Variants in HS6ST2 observed in about 807,000 individuals in gnomAD.
The protein encoded by HS6ST2 is heparan-sulfate 6-O-sulfotransferase 2.
A neutral mutation model predicts 33.0 loss-of-function variants in HS6ST2; 17 were observed. The ratio of observed to expected loss-of-function variants is 0.52; its 90% confidence interval spans 0.35 to 0.77. The LOEUF (loss-of-function observed/expected upper bound fraction) is 0.77, where lower values mean the gene tolerates loss of function less well. Among genes scored for constraint, HS6ST2 ranks in the 30% least tolerant of loss-of-function variants. The pLI is 0.01. For missense variants in HS6ST2, 519 were observed against 551.7 expected (o/e 0.94, Z 0.59); for synonymous variants, 248 against 237.1 (o/e 1.05, Z -0.42).
chrX:132,928,156 T>C (rs2066729261), intron 2 of HS6ST2, among the ~76,000 whole-genome samples: 1 of 106,497 alleles, frequency 9.4e-6, no homozygotes. Flanking sequence ...TCTCACTCTG[T>C]TGCCCAGGCT....
chrX:132,841,646 G>A (rs1379161473), intron 2 of HS6ST2, among the ~76,000 whole-genome samples: 3 of 111,811 alleles, frequency 2.7e-5, no homozygotes, highest in Non-Finnish European at 5.6e-5. Context: ...TACTGTGACA[G>A]TTCTCAAAAG....
intron 3 of HS6ST2, among the ~76,000 whole-genome samples, chrX:132,679,297 G>T (rs1442830517): frequency 1.8e-5 from 2 of 111,993 alleles, no homozygotes; most frequent in African/African-American, 6.5e-5. Flanking sequence ...CTAAGCGTCA[G>T]CCAGTTTGAG....
intron 2 of HS6ST2, among the ~76,000 whole-genome samples, chrX:132,846,835 A>G (rs908424535): frequency 9.1e-6 from 1 of 110,318 alleles, no homozygotes; most frequent in Non-Finnish European, 1.9e-5. Context: ...AGATCACACC[A>G]GCTCTCTACT....
chrX:132,733,974 A>T (rs1254527057), intron 2 of HS6ST2, among the ~76,000 whole-genome samples: 1 of 103,409 alleles, frequency 9.7e-6, no homozygotes, highest in Non-Finnish European at 2.0e-5. Context: ...CCTATATTTT[A>T]GGGTCATGTG....
At chrX:132,690,772 A>T (rs1301351233) in intron 3 of HS6ST2, among the ~76,000 whole-genome samples, 1 of 111,957 alleles carries the variant, frequency 8.9e-6, no homozygotes, top group Non-Finnish European at 1.9e-5. Flanking sequence ...TTTATCTATA[A>T]ATCCTTTAAG....
At chrX:132,761,678 C>T (rs757039991) in intron 2 of HS6ST2, among the ~76,000 whole-genome samples, 133 of 111,981 alleles carry the variant, frequency 1.2e-3, no homozygotes, top group Non-Finnish European at 2.1e-3. Flanking sequence ...TCTTCTGAAC[C>T]GTTAGGTCCC....
chrX:132,960,040 T>G (rs901076459), upstream of HS6ST2, among the ~76,000 whole-genome samples: 1 of 112,279 alleles, frequency 8.9e-6, no homozygotes, highest in Non-Finnish European at 1.9e-5. Context: ...GTGGATTTTT[T>G]GGGAATCCTG....
intron 2 of HS6ST2, among the ~76,000 whole-genome samples, chrX:132,861,888 G>T (rs2065915060): frequency 8.9e-6 from 1 of 111,769 alleles, no homozygotes; most frequent in Non-Finnish European, 1.9e-5. Context: ...TATTTCTTAA[G>T]CAGTCAAATC....
At chrX:132,785,300 G>A (rs1463589038) in intron 2 of HS6ST2, among the ~76,000 whole-genome samples, 1 of 111,868 alleles carries the variant, frequency 8.9e-6, no homozygotes, top group African/African-American at 3.3e-5. Flanking sequence ...TATCACACAA[G>A]ACTTCAGGCT....
chrX:132,867,793 A>G (rs1187170511), intron 2 of HS6ST2, among the ~76,000 whole-genome samples: 1 of 111,912 alleles, frequency 8.9e-6, no homozygotes, highest in Non-Finnish European at 1.9e-5. Context: ...AAGCACTAAC[A>G]TGGAAAGGAA....
chrX:132,681,385 A>T (rs1030153060), intron 3 of HS6ST2, among the ~76,000 whole-genome samples: 1 of 112,235 alleles, frequency 8.9e-6, no homozygotes, highest in South Asian at 3.7e-4. Flanking sequence ...TCCACCTTTG[A>T]TTATTGTTCC....
intron 3 of HS6ST2, chrX:132,669,469 A>G (rs2063842827): frequency 4.1e-6 from 1 of 244,859 alleles, no homozygotes; most frequent in African/African-American, 2.9e-5. Flanking sequence ...TCCATCAATG[A>G]TAGCACCACA....
intron 2 of HS6ST2, among the ~76,000 whole-genome samples, chrX:132,719,255 G>A (rs2064306556): frequency 8.9e-6 from 1 of 112,044 alleles, no homozygotes; most frequent in Non-Finnish European, 1.9e-5. Context: ...GGTCCTGAGA[G>A]AGAAAGGGAC....
intron 4 of HS6ST2, among the ~76,000 whole-genome samples, chrX:132,661,668 T>C (rs1367446537): frequency 8.9e-6 from 1 of 112,200 alleles, no homozygotes; most frequent in African/African-American, 3.2e-5. Flanking sequence ...GCAGGCTTCT[T>C]TTTTCTTTTT....
At chrX:132,633,623 C>A (rs193203323) in intron 4 of HS6ST2, among the ~76,000 whole-genome samples, 1 of 110,946 alleles carries the variant, frequency 9.0e-6, no homozygotes, top group East Asian at 2.9e-4. Flanking sequence ...CAGAGAGCAA[C>A]CTGGGCTGAA....
rs1381274474 is a variant in HS6ST2, at chrX:132,944,605, A to G, written c.947+12203T>C. ...ATCACGCTACCTGACTTCAAACTAT[A>G]CTACAAGGCTACAGTAACCAAAACA... On this transcript the variant is annotated intron_variant, in intron 2 of 4. Transcript: ENST00000370833. Among the ~76,000 whole-genome samples, 7 of 111,698 alleles carry G rather than the reference A, an allele frequency of 6.3e-5. No individual in the cohort carries two copies. In the South Asian group the frequency reaches 1.1e-3, roughly 18 times the overall value.
chrX:132,809,506 G>C (rs1481456401), intron 2 of HS6ST2, among the ~76,000 whole-genome samples: 1 of 112,028 alleles, frequency 8.9e-6, no homozygotes, highest in Non-Finnish European at 1.9e-5. Flanking sequence ...CATGGTCCCT[G>C]CCTTTCCTGA....
At chrX:132,845,921 G>A (rs959716794) in intron 2 of HS6ST2, among the ~76,000 whole-genome samples, 1 of 111,519 alleles carries the variant, frequency 9.0e-6, no homozygotes, top group African/African-American at 3.3e-5. Context: ...ACCAGGGATT[G>A]GCATGCTTTT....
chrX:132,633,645 G>C (rs2063534435), intron 4 of HS6ST2, among the ~76,000 whole-genome samples: 1 of 111,254 alleles, frequency 9.0e-6, no homozygotes, highest in African/African-American at 3.3e-5. Context: ...ATAAGGTACG[G>C]AGTGGTCAGC....
Sources: allele counts gnomAD v4.1 joint callset (sites outside exome capture counted in the v4.1 genomes callset), GRCh38; gene constraint gnomAD v4.1.1; transcripts MANE v1.5; gene names NCBI Gene and HGNC (gene_info 2026-07-23, HGNC 2026-07-21).